KLF12: variants seen among roughly 807,000 people sequenced by gnomAD.
The protein encoded by KLF12 is Krueppel-like factor 12.
KLF12 carries 9 observed loss-of-function variants against 37.8 expected under a neutral mutation model. That is an observed-to-expected ratio of 0.24 (90% CI 0.14 to 0.42). The LOEUF is 0.42. Ranked by LOEUF, KLF12 falls within the 10% of genes least tolerant of loss-of-function variation. The probability of loss-of-function intolerance (pLI) is 1.00; values close to 1 mark genes in which losing one functional copy is unlikely to be tolerated. For missense variants in KLF12, 411 were observed against 516.0 expected, an observed-to-expected ratio of 0.80 and a Z score of 1.97; for synonymous variants, 208 against 202.1, an observed-to-expected ratio of 1.03 and a Z score of -0.25.
intron 1 of KLF12, among the ~76,000 whole-genome samples, chr13:74,071,052 T>C (rs558638035): frequency 2.1e-3 from 323 of 152,288 alleles, no homozygotes; most frequent in Admixed American, 5.1e-3. Context: ...ACTGTGATGC[T>C]CTTCATAATG....
At chr13:73,917,787 T>C (rs1888914956) in intron 3 of KLF12, among the ~76,000 whole-genome samples, 1 of 152,252 alleles carries the variant, frequency 6.6e-6, no homozygotes, top group South Asian at 2.1e-4. Context: ...GATTACAGAT[T>C]ATGTATTTGG....
At chr13:73,702,471 T>C (rs900341932) in intron 7 of KLF12, among the ~76,000 whole-genome samples, 2 of 152,186 alleles carry the variant, frequency 1.3e-5, no homozygotes, top group African/African-American at 4.8e-5. Context: ...TGCCCTTTCA[T>C]ATTAAAATGA....
intron 3 of KLF12, among the ~76,000 whole-genome samples, chr13:73,851,288 AAATAC>A (rs1466536363): frequency 6.6e-6 from 1 of 152,222 alleles, no homozygotes; most frequent in African/African-American, 2.4e-5. Context: ...AGAATCTCAT[AAATAC>A]AGTCATTGCG....
intron 4 of KLF12, among the ~76,000 whole-genome samples, chr13:73,829,700 A>AACTGGCTGAATT (rs71115617): frequency 0.64 from 97,744 of 151,674 alleles, 32,714 homozygotes; most frequent in Non-Finnish European, 0.74. Flanking sequence ...GAACAATAAC[A>AACTGGCTGAATT]ACTGACTGAA....
intron 4 of KLF12, among the ~76,000 whole-genome samples, chr13:73,815,482 A>G (rs1000177269): frequency 6.6e-6 from 1 of 152,180 alleles, no homozygotes; most frequent in Non-Finnish European, 1.5e-5. Context: ...AATAATATGA[A>G]TTCAGCTAGG....
chr13:74,284,842 G>A, the KLF12 span, among the ~76,000 whole-genome samples: 3 of 152,124 alleles, frequency 2.0e-5, no homozygotes, highest in Admixed American at 6.5e-5. Flanking sequence ...TTTACACTAC[G>A]GTATAGAATT....
At chr13:74,200,644 G>C in the KLF12 span, among the ~76,000 whole-genome samples, 1 of 152,016 alleles carries the variant, frequency 6.6e-6, no homozygotes, top group Non-Finnish European at 1.5e-5. Flanking sequence ...CTGAGAAAAA[G>C]GGGATCTCTT....
chr13:73,997,029 A>G (rs1331526713), intron 1 of KLF12, among the ~76,000 whole-genome samples: 1 of 152,214 alleles, frequency 6.6e-6, no homozygotes, highest in African/African-American at 2.4e-5. Flanking sequence ...TACATTTGCA[A>G]CCTTCTACAA....
At chr13:73,755,054 A>C (rs891695932) in intron 6 of KLF12, among the ~76,000 whole-genome samples, 2 of 152,226 alleles carry the variant, frequency 1.3e-5, no homozygotes, top group African/African-American at 4.8e-5. Context: ...TCACTGTAAG[A>C]AATCAGTCCA....
chr13:73,815,706 T>C (rs1566389354), intron 4 of KLF12, among the ~76,000 whole-genome samples: 1 of 152,184 alleles, frequency 6.6e-6, no homozygotes, highest in East Asian at 1.9e-4. Context: ...TTTGCCAAGA[T>C]ACCAAATTTG....
At chr13:74,256,028 G>A in the KLF12 span, among the ~76,000 whole-genome samples, 7 of 152,008 alleles carry the variant, frequency 4.6e-5, no homozygotes, top group South Asian at 2.1e-4. Context: ...GGTGGCGGGC[G>A]CCTGTAGTCC....
At chr13:74,302,992 C>T in the KLF12 span, among the ~76,000 whole-genome samples, 70 of 152,176 alleles carry the variant, frequency 4.6e-4, no homozygotes, top group South Asian at 4.1e-3. Context: ...ACCTTTCAAT[C>T]GTTCCCTATT....
At chr13:74,234,023 T>C in the KLF12 span, among the ~76,000 whole-genome samples, 2 of 152,370 alleles carry the variant, frequency 1.3e-5, no homozygotes, top group Non-Finnish European at 2.9e-5. Context: ...AGTATCAGTA[T>C]TGGCTCATTA....
chr13:74,166,357 G>C, the KLF12 span, among the ~76,000 whole-genome samples: 1 of 152,078 alleles, frequency 6.6e-6, no homozygotes, highest in Non-Finnish European at 1.5e-5. Flanking sequence ...ATTCCAAAGT[G>C]CTGGGATTAT....
At chr13:74,177,647 T>C in the KLF12 span, among the ~76,000 whole-genome samples, 37 of 152,238 alleles carry the variant, frequency 2.4e-4, no homozygotes, top group African/African-American at 8.2e-4. Context: ...CTGGTGACAG[T>C]AAATTAATGA....
chr13:74,285,545 G>T, the KLF12 span, among the ~76,000 whole-genome samples: 6 of 152,152 alleles, frequency 3.9e-5, no homozygotes, highest in African/African-American at 1.4e-4. Context: ...GTGTGATGGG[G>T]CATCCCCAGG....
chr13:73,872,367 T>C (rs1324249487), intron 3 of KLF12, among the ~76,000 whole-genome samples: 2 of 152,184 alleles, frequency 1.3e-5, no homozygotes, highest in Non-Finnish European at 2.9e-5. Flanking sequence ...AAATCAAAAC[T>C]ATTAGTTTCA....
At chr13:73,819,894 C>T (rs1883428903) in intron 4 of KLF12, among the ~76,000 whole-genome samples, 1 of 152,070 alleles carries the variant, frequency 6.6e-6, no homozygotes, top group South Asian at 2.1e-4. Context: ...ATAACAGGTG[C>T]ACAGGTGATA....
rs764143404 is a variant in KLF12 at position 74,021,070 on chromosome 13, T to C, written c.-31-26017A>G. On this transcript the variant is annotated intron_variant, in intron 1 of 7. Transcript: ENST00000377669. ...AATTCTACCTTGGAGAAAAGGTGGT[T>C]TCATGTAAAGACGGTGAAAAGGTGG... Among the ~76,000 whole-genome samples the C allele has an allele frequency of 2.7e-4, 41 of 152,266 alleles. 1 individual carries two copies. Among genetic ancestry groups the C allele is most frequent in the Middle Eastern group, 6.8e-3 (2 of 294 alleles).
Sources: gnomAD v4.1 joint callset for allele counts (sites outside exome capture counted in the v4.1 genomes callset) on GRCh38, gnomAD v4.1.1 for gene constraint, MANE v1.5 for transcripts, NCBI Gene and HGNC (gene_info 2026-07-23, HGNC 2026-07-21) for gene names.